FOLH1: variants seen among roughly 807,000 people sequenced by gnomAD.
The protein encoded by FOLH1 is folate hydrolase 1.
A neutral mutation model predicts 93.9 loss-of-function variants in FOLH1; 54 were observed. The ratio of observed to expected loss-of-function variants is 0.57; its 90% CI spans 0.46 to 0.72. The LOEUF (loss-of-function observed/expected upper bound fraction) is 0.72. Ranked by LOEUF, FOLH1 falls within the 30% of genes least tolerant of loss-of-function variation. The pLI, the probability that FOLH1 is intolerant of heterozygous loss-of-function variation, is 0.00. For synonymous variants in FOLH1, 249 were observed against 303.6 expected, an observed-to-expected ratio of 0.82 and a Z score of 1.87; for missense variants, 571 against 892.5, an observed-to-expected ratio of 0.64 and a Z score of 4.59.
intron 4 of FOLH1, among the ~76,000 whole-genome samples, chr11:49,188,154 A>C (rs900889064): frequency 6.6e-6 from 1 of 152,166 alleles, no homozygotes; most frequent in Non-Finnish European, 1.5e-5. Flanking sequence ...GTATATCTTT[A>C]TAAGTCAAAT....
At chr11:49,151,526 C>T (rs1043884693) in intron 17 of FOLH1, among the ~76,000 whole-genome samples, 1 of 152,208 alleles carries the variant, frequency 6.6e-6, no homozygotes, top group Non-Finnish European at 1.5e-5. Context: ...AGGATAAAGT[C>T]ATGTCTCTTC....
chr11:49,206,393 T>A, intron 1 of FOLH1: 1 of 840,616 alleles, frequency 1.2e-6, no homozygotes, highest in Non-Finnish European at 1.9e-6. Flanking sequence ...ATATTTCTTA[T>A]CCAACTTCAA....
intron 11 of FOLH1, among the ~76,000 whole-genome samples, chr11:49,170,829 C>T (rs941725654): frequency 2.0e-5 from 3 of 152,090 alleles, no homozygotes; most frequent in African/African-American, 4.8e-5. Flanking sequence ...TCTGTTAAGT[C>T]GTTCATGTTT....
rs768593308 is a variant in FOLH1 at position 49,183,210 on chromosome 11, C to T, written c.859G>A (p.Val287Ile). Residue 287 changes from valine to isoleucine, a missense_variant, in exon 7 of 19, where the codon GTT (valine) becomes ATT (isoleucine). Coordinates refer to ENST00000256999, the MANE Select transcript of FOLH1 (RefSeq NM_004476.3). ...TGAACAGGAATACTTGGAAGACCAA[C>T]AGCCTCTGCAATTCCACGCCTATAA... ...YAYRRGIAEA[V>I]GLPSIPVHPI... 4 of 1,613,028 alleles carry T rather than the reference C, an allele frequency of 2.5e-6. No individual in the cohort carries two copies. The highest frequency in any genetic ancestry group is 3.4e-6 in the Non-Finnish European group (4 of 1,179,452).
chr11:49,148,555 A>G, intron 18 of FOLH1, 84 bp downstream of exon 18: 1 of 1,033,738 alleles, frequency 9.7e-7, no homozygotes, highest in South Asian at 1.6e-5. Context: ...AATCAACTAC[A>G]ATATTTTTTC....
At chr11:49,177,884 A>G (rs1461945448) in intron 7 of FOLH1, among the ~76,000 whole-genome samples, 3 of 151,510 alleles carry the variant, frequency 2.0e-5, no homozygotes, top group Non-Finnish European at 4.4e-5. Flanking sequence ...AATCACTTGA[A>G]CCTGGGAGGT....
At chr11:49,155,795 CATATATATATATATATATATATAT>C (rs10526900) in intron 15 of FOLH1, among the ~76,000 whole-genome samples, 8 of 52,118 alleles carry the variant, frequency 1.5e-4, no homozygotes, top group African/African-American at 2.0e-4. Context: ...AAATGAAAAC[CATATATATATATATATATATATAT>C]ATATATATAT....
At position 49,145,309 on chromosome 11, in the gene FOLH1, G is replaced by A. The variant is rs1855738241; in HGVS notation, c.*1447C>T. 6.6e-6 allele frequency among the ~76,000 whole-genome samples: 1 copy of A among 152,082 alleles called. No individual in the cohort carries two copies. ...AATCTGCTTTCTGTGTGCACCCTTGGCAAACTCTGGCAATGCAAATGACAT... is the reference window on the plus strand; with the variant it reads ...AATCTGCTTTCTGTGTGCACCCTTGACAAACTCTGGCAATGCAAATGACAT... On this transcript the variant is annotated 3_prime_UTR_variant, in exon 19 of 19. Transcript: ENST00000256999.
chr11:49,195,153 AC>A (rs1307234925), intron 3 of FOLH1, among the ~76,000 whole-genome samples: 3 of 152,128 alleles, frequency 2.0e-5, no homozygotes, highest in African/African-American at 4.8e-5. Context: ...AAAACTGAGC[AC>A]ATATTAGGTT....
chr11:49,164,923 A>G, intron 12 of FOLH1, 151 bp from the exon 13 acceptor site: 1 of 673,266 alleles, frequency 1.5e-6, no homozygotes, highest in South Asian at 1.9e-5. Context: ...AACTCTGTAA[A>G]GTCCATCATT....
At chr11:49,188,492 G>A (rs563780033) in intron 4 of FOLH1, among the ~76,000 whole-genome samples, 32 of 130,880 alleles carry the variant, frequency 2.4e-4, no homozygotes, top group African/African-American at 8.8e-4. Context: ...CAGCCCGGGC[G>A]ACAGAGTAAG....
chr11:49,179,005 C>T (rs1209773299), intron 7 of FOLH1, among the ~76,000 whole-genome samples: 1 of 152,068 alleles, frequency 6.6e-6, no homozygotes, highest in Non-Finnish European at 1.5e-5. Context: ...CATATAAAAC[C>T]AATCATAATA....
At chr11:49,200,658 G>A (rs1286689686) in intron 2 of FOLH1, among the ~76,000 whole-genome samples, 2 of 152,054 alleles carry the variant, frequency 1.3e-5, no homozygotes, top group Non-Finnish European at 2.9e-5. Flanking sequence ...CGGAGAAACT[G>A]ATTTTTGTAT....
intron 2 of FOLH1, among the ~76,000 whole-genome samples, chr11:49,205,381 G>A (rs1863785824): frequency 6.6e-6 from 1 of 152,034 alleles, no homozygotes. Context: ...TTTAAAATAT[G>A]CCAAATTTAT....
At chr11:49,173,872 A>G (rs538262735) in intron 9 of FOLH1, among the ~76,000 whole-genome samples, 50 of 152,268 alleles carry the variant, frequency 3.3e-4, no homozygotes, top group African/African-American at 1.2e-3. Context: ...CTTTCTATTC[A>G]GTTTTTAAGG....
chr11:49,200,902 G>A (rs1323511367), intron 2 of FOLH1, among the ~76,000 whole-genome samples: 10 of 151,988 alleles, frequency 6.6e-5, no homozygotes, highest in Admixed American at 1.3e-4. Context: ...TTTTTGATTA[G>A]CAACCATTTA....
intron 2 of FOLH1, among the ~76,000 whole-genome samples, chr11:49,202,594 C>T (rs1863395160): frequency 1.3e-5 from 2 of 152,174 alleles, no homozygotes. Flanking sequence ...CATCTGCCTG[C>T]CTTGTCCTCC....
At chr11:49,176,928 T>C (rs552158064) in intron 7 of FOLH1, among the ~76,000 whole-genome samples, 1 of 152,290 alleles carries the variant, frequency 6.6e-6, no homozygotes, top group East Asian at 1.9e-4. Flanking sequence ...AAATCAAAAG[T>C]GGAGAATTTC....
Position 49,208,588 on chromosome 11 carries a change from T to G in FOLH1, c.-179A>C. The G allele has an allele frequency of 2.0e-6, 1 of 493,246 alleles. No homozygotes were observed. The highest frequency in any genetic ancestry group is 3.6e-5 in the Admixed American group (1 of 27,808). 30.6% of individuals were successfully genotyped at this position (493,246 alleles called of 1,614,324 possible). On this transcript the variant is annotated 5_prime_UTR_variant, in exon 1 of 19. Coordinates refer to ENST00000256999, the MANE Select transcript of FOLH1 (RefSeq NM_004476.3). ...GTCCAGTTTCTCCACCACAGCAGTG[T>G]TTCTAGAGTGCACTGAACCAATCCG...
Sources: allele counts gnomAD v4.1 joint callset (sites outside exome capture counted in the v4.1 genomes callset), GRCh38; gene constraint gnomAD v4.1.1; transcripts MANE v1.5; gene names NCBI Gene and HGNC (gene_info 2026-07-23, HGNC 2026-07-21).